Variants in TENM3 observed in about 807,000 individuals in gnomAD.
TENM3 encodes the protein teneurin transmembrane protein 3.
In TENM3, 63 loss-of-function variants were observed where a neutral mutation model predicts 255.1. That is an observed-to-expected ratio of 0.25 (90% confidence interval 0.20 to 0.30). The LOEUF is 0.30. Ranked by LOEUF, TENM3 falls within the 10% of genes least tolerant of loss-of-function variation. The pLI, the probability that TENM3 is intolerant of heterozygous loss-of-function variation, is 1.00. For synonymous variants in TENM3, 1,306 were observed against 1,322.3 expected, an observed-to-expected ratio of 0.99 and a Z score of 0.27; for missense variants, 2,929 against 3,461.1, an observed-to-expected ratio of 0.85 and a Z score of 3.86.
chr4:181,628,717 T>G, the TENM3 span, among the ~76,000 whole-genome samples: 1 of 152,228 alleles, frequency 6.6e-6, no homozygotes, highest in Non-Finnish European at 1.5e-5. Context: ...ACCAGTACCA[T>G]GCTGTTTTGG....
rs1554041353 is a variant in TENM3 at position 182,801,074 on chromosome 4, A to AATT, written c.*724_*726dup. 1.3e-5 allele frequency: 2 copies of AATT among 152,666 alleles called. No individual in the cohort carries two copies. The highest frequency in any genetic ancestry group is 2.9e-5 in the Non-Finnish European group (2 of 68,050). The allele number at this position is 152,666 out of a possible 1,614,324, so 9.5% of individuals were successfully genotyped here. ...ATCAAATCTTAGTCTCAGAGGAGTT[A>AATT]ATTTATGTAAAGTGTTTAAAAATTT... On this transcript the variant is annotated 3_prime_UTR_variant, in exon 28 of 28. Coordinates refer to ENST00000511685, the MANE Select transcript of TENM3 (RefSeq NM_001080477.4).
At chr4:182,473,625 A>G (rs1465846885) in intron 3 of TENM3, among the ~76,000 whole-genome samples, 3 of 152,134 alleles carry the variant, frequency 2.0e-5, no homozygotes, top group Admixed American at 2.0e-4. Flanking sequence ...GTGAGCCGAG[A>G]TCGCGCCGCT....
Position 182,681,993 on chromosome 4 carries a change from A to G in TENM3, c.2014A>G (p.Thr672Ala), listed in dbSNP as rs758640338. 6.2e-7 allele frequency: 1 copy of G among 1,613,902 alleles called. No homozygotes were observed. Among genetic ancestry groups the G allele is most frequent in the Non-Finnish European group, 8.5e-7 (1 of 1,179,880 alleles). The change falls in exon 11 of 28, where the codon ACT becomes GCT. Residue 672 changes from threonine to alanine, a missense_variant. Thr to Ala is a moderately conservative substitution (Grantham distance 58). Coordinates refer to ENST00000511685, the MANE Select transcript of TENM3 (RefSeq NM_001080477.4). The stretch of plus-strand genomic sequence containing the variant: ...CTCCTGCACGTGTGACCCTAACTGG[A>G]CTGGCCCAGACTGCTCAAACGGTGA... ...SGSCTCDPNW[T>A]GPDCSNEICS...
rs200938714 is a variant in TENM3 at position 182,459,084 on chromosome 4, AT to A, written c.511+112159del. On this transcript the variant is annotated intron_variant, in intron 3 of 27. Coordinates refer to ENST00000511685, the MANE Select transcript of TENM3 (RefSeq NM_001080477.4). Reference sequence around the variant, plus strand: ...GTTCTTGTTATTATAGGCATTCCTCATTTTGATGAAATACCAATTTAACTAG... The same window carrying A: ...GTTCTTGTTATTATAGGCATTCCTCATTTGATGAAATACCAATTTAACTAG... Among the ~76,000 whole-genome samples the A allele has an allele frequency of 5.5e-3, 831 of 152,270 alleles. 11 individuals are homozygous for A. Among genetic ancestry groups the A allele is most frequent in the African/African-American group, 0.019 (791 of 41,568 alleles).
At chr4:181,768,293 G>C in the TENM3 span, among the ~76,000 whole-genome samples, 1 of 152,168 alleles carries the variant, frequency 6.6e-6, no homozygotes, top group Non-Finnish European at 1.5e-5. Flanking sequence ...TGATTCTAGT[G>C]AGTAGGGGCC....
chr4:182,373,992 A>G lies in TENM3; in HGVS notation c.511+27063A>G, dbSNP rs554956454. ...GCCAAGGCATTGTTTCTGACTCTTC[A>G]GGGACTACAAAGCTGAAAAACAAGA... On this transcript the variant is annotated intron_variant, in intron 3 of 27. Transcript: ENST00000511685. Among the ~76,000 whole-genome samples the G allele has an allele frequency of 6.6e-5, 10 of 152,254 alleles. No individual in the cohort carries two copies. In the East Asian group the frequency reaches 1.9e-3, roughly 29 times the overall value.
the TENM3 span, among the ~76,000 whole-genome samples, chr4:181,641,552 G>GTATA: frequency 8.0e-3 from 172 of 21,574 alleles, 2 homozygotes; most frequent in South Asian, 0.011. Flanking sequence ...CATGGTGTGT[G>GTATA]TGTATATATA....
the TENM3 span, among the ~76,000 whole-genome samples, chr4:181,991,122 A>T: frequency 6.6e-6 from 1 of 152,180 alleles, no homozygotes; most frequent in Non-Finnish European, 1.5e-5. Context: ...ACAGGAAACA[A>T]TTTTAAAGCA....
intron 23 of TENM3, among the ~76,000 whole-genome samples, chr4:182,774,614 A>G (rs1447488763): frequency 2.0e-5 from 3 of 152,124 alleles, no homozygotes; most frequent in Non-Finnish European, 4.4e-5. Flanking sequence ...TTTACAAAAT[A>G]TTTACTTAGT....
chr4:182,096,698 T>A, the TENM3 span, among the ~76,000 whole-genome samples: 1 of 152,144 alleles, frequency 6.6e-6, no homozygotes, highest in Non-Finnish European at 1.5e-5. Flanking sequence ...CCGCCTTTAG[T>A]CTTGCCAAAG....
the TENM3 span, among the ~76,000 whole-genome samples, chr4:181,839,974 G>A: frequency 6.6e-6 from 1 of 151,870 alleles, no homozygotes; most frequent in Non-Finnish European, 1.5e-5. Flanking sequence ...TTTAAATGTT[G>A]CTTCAGTCAT....
At chr4:181,707,839 C>T in the TENM3 span, among the ~76,000 whole-genome samples, 1 of 151,998 alleles carries the variant, frequency 6.6e-6, no homozygotes, top group Non-Finnish European at 1.5e-5. Context: ...ATATAGTTTG[C>T]TATGCATATC....
At chr4:181,623,745 A>G in the TENM3 span, among the ~76,000 whole-genome samples, 2 of 152,262 alleles carry the variant, frequency 1.3e-5, no homozygotes, top group Admixed American at 6.5e-5. Context: ...ATATCAAGCT[A>G]TCAGCAAGAG....
At chr4:182,745,443 T>G (rs994274529) in intron 19 of TENM3, among the ~76,000 whole-genome samples, 1 of 152,170 alleles carries the variant, frequency 6.6e-6, no homozygotes, top group African/African-American at 2.4e-5. Flanking sequence ...CAAGTAAATG[T>G]GAAAATGCTG....
chr4:181,539,336 T>C, the TENM3 span, among the ~76,000 whole-genome samples: 1 of 152,220 alleles, frequency 6.6e-6, no homozygotes, highest in African/African-American at 2.4e-5. Context: ...TTACTTGATA[T>C]GGTTAAAATA....
At chr4:182,474,260 G>A (rs377620879) in intron 3 of TENM3, among the ~76,000 whole-genome samples, 13 of 152,066 alleles carry the variant, frequency 8.5e-5, no homozygotes, top group African/African-American at 3.1e-4. Flanking sequence ...CTAATAGATG[G>A]TACATTTTTA....
chr4:181,787,298 C>T, the TENM3 span, among the ~76,000 whole-genome samples: 1 of 151,254 alleles, frequency 6.6e-6, no homozygotes, highest in African/African-American at 2.4e-5. Context: ...CAGGCAAGGG[C>T]TGAGTTTCAC....
At chr4:182,216,243 C>T (rs866547414) in intron 1 of TENM3, among the ~76,000 whole-genome samples, 14 of 152,196 alleles carry the variant, frequency 9.2e-5, no homozygotes, top group African/African-American at 2.9e-4. Flanking sequence ...ATATTCCTGA[C>T]GTCACATCTC....
chr4:181,456,094 T>C, the TENM3 span, among the ~76,000 whole-genome samples: 3 of 98,656 alleles, frequency 3.0e-5, no homozygotes, highest in South Asian at 2.8e-4. Flanking sequence ...TTGGTAAATA[T>C]ATGTGTGTGT....
Sources: allele counts gnomAD v4.1 joint callset (sites outside exome capture counted in the v4.1 genomes callset), GRCh38; gene constraint gnomAD v4.1.1; transcripts MANE v1.5; gene names NCBI Gene and HGNC (gene_info 2026-07-23, HGNC 2026-07-21).